RNF6: variants seen among roughly 807,000 people sequenced by gnomAD.
RNF6 encodes the protein E3 ubiquitin-protein ligase RNF6.
Under a neutral mutation model 50.1 loss-of-function variants are expected in RNF6, and 21 were observed. The observed-to-expected ratio is 0.42, with a 90% CI of 0.30 to 0.60. The LOEUF is 0.60. RNF6 is among the 20% of genes least tolerant of loss of function. The pLI is 0.20. For missense variants in RNF6, 698 were observed against 838.2 expected (o/e 0.83, Z 2.07); for synonymous variants, 255 against 291.8 (o/e 0.87, Z 1.29).
At position 26,214,139 on chromosome 13, in the gene RNF6, T is replaced by A. The variant is rs1440772968; in HGVS notation, c.1743A>T (p.Gly581=). The change falls in exon 5 of 5, where the codon GGA becomes GGT. Residue 581 remains glycine (G), a synonymous_variant. Coordinates refer to ENST00000381588, the MANE Select transcript of RNF6 (RefSeq NM_005977.4). ...LRNPNNLVET[G]TLPILRLAHF... is the part of the protein sequence containing the mutation. ...GAGCAAGGCGAAGAATGGGTAGTGT[T>A]CCAGTTTCAACTAAATTGTTTGGAT... is the stretch of plus-strand genomic sequence containing the variant. 6.2e-7 allele frequency: 1 copy of A among 1,614,198 alleles called. No homozygotes were observed. The highest frequency in any genetic ancestry group is 8.5e-7 in the Non-Finnish European group (1 of 1,180,022).
chr13:26,195,143 T>C (rs1463386837), intron 5 of RNF6, among the ~76,000 whole-genome samples: 1 of 152,128 alleles, frequency 6.6e-6, no homozygotes, highest in Non-Finnish European at 1.5e-5. Context: ...AAAACAACTA[T>C]GATTAATGGA....
chr13:26,138,644 T>A (rs1032807908), intron 5 of RNF6, among the ~76,000 whole-genome samples: 1 of 152,172 alleles, frequency 6.6e-6, no homozygotes, highest in Non-Finnish European at 1.5e-5. Context: ...TTTTATATAC[T>A]ATGGAAATTA....
intron 5 of RNF6, among the ~76,000 whole-genome samples, chr13:26,202,454 G>T (rs1161086264): frequency 1.3e-5 from 2 of 152,102 alleles, no homozygotes; most frequent in Non-Finnish European, 2.9e-5. Flanking sequence ...AAATACTGAA[G>T]AATTCATTAA....
chr13:26,145,352 G>A (rs1012620310), intron 5 of RNF6, among the ~76,000 whole-genome samples: 1 of 150,008 alleles, frequency 6.7e-6, no homozygotes, highest in Non-Finnish European at 1.5e-5. Context: ...CTTGATGGGT[G>A]ATCTGGTTTG....
downstream of RNF6, among the ~76,000 whole-genome samples, chr13:26,207,882 C>T (rs12429453): frequency 0.21 from 32,563 of 152,192 alleles, 4,185 homozygotes; most frequent in East Asian, 0.5. Flanking sequence ...GCAGAGCAGA[C>T]TTTTCTGCCT....
At position 26,147,501 on chromosome 13, in the gene RNF6, G is replaced by A. The variant is rs144225160; in HGVS notation, n.769-15050C>T. Reference sequence around the variant, plus strand: ...AAGAGAGGCTTATACCACTGGGTGTGAAGAGGCTGCTTCTATGAGGTAGGG... The same window carrying A: ...AAGAGAGGCTTATACCACTGGGTGTAAAGAGGCTGCTTCTATGAGGTAGGG... On this transcript the variant is annotated intron_variant and non_coding_transcript_variant, in intron 5 of 5. Transcript: ENST00000468480. 1.6e-3 allele frequency among the ~76,000 whole-genome samples: 237 copies of A among 152,350 alleles called. 1 individual carries two copies. Among genetic ancestry groups the A allele is most frequent in the Non-Finnish European group, 2.8e-3 (190 of 68,040 alleles).
chr13:26,205,239 G>A (rs920248788), intron 5 of RNF6, among the ~76,000 whole-genome samples: 2 of 148,478 alleles, frequency 1.3e-5, no homozygotes, highest in African/African-American at 4.9e-5. Flanking sequence ...AGTACATGGA[G>A]TCAGAACTTT....
At chr13:26,176,934 A>C (rs1211879158) in intron 5 of RNF6, among the ~76,000 whole-genome samples, 1 of 152,198 alleles carries the variant, frequency 6.6e-6, no homozygotes, top group Non-Finnish European at 1.5e-5. Context: ...ACTCGGTCTC[A>C]AAAAAACAAA....
intron 5 of RNF6, among the ~76,000 whole-genome samples, chr13:26,189,361 G>A (rs1184470597): frequency 6.6e-6 from 1 of 152,114 alleles, no homozygotes; most frequent in Non-Finnish European, 1.5e-5. Context: ...TAGATCGTTG[G>A]ATGAAAATAT....
At chr13:26,164,382 A>G (rs1593159461) in intron 5 of RNF6, among the ~76,000 whole-genome samples, 1 of 152,120 alleles carries the variant, frequency 6.6e-6, no homozygotes, top group South Asian at 2.1e-4. Context: ...ATGTTGTGTC[A>G]GGAGTATTTT....
At chr13:26,211,430 C>T (rs1282980410), downstream of RNF6, among the ~76,000 whole-genome samples, 1 of 152,106 alleles carries the variant, frequency 6.6e-6, no homozygotes, top group Non-Finnish European at 1.5e-5. Context: ...GCATCAGGCC[C>T]AGGGAGGTAG....
intron 5 of RNF6, among the ~76,000 whole-genome samples, chr13:26,153,191 A>G (rs1462323487): frequency 6.7e-6 from 1 of 149,812 alleles, no homozygotes; most frequent in Non-Finnish European, 1.5e-5. Flanking sequence ...AAGATGTAAG[A>G]TATTTTATTT....
Position 26,214,253 on chromosome 13 carries a change from T to C in RNF6, c.1629A>G (p.Gln543=). 6.2e-7 allele frequency: 1 copy of C among 1,614,192 alleles called. No homozygotes were observed. The highest frequency in any genetic ancestry group is 1.1e-5 in the South Asian group (1 of 91,084). ...REGSSQDRQA[Q]GDSTEMHGEN... is the part of the protein sequence containing the mutation. Reference sequence around the variant, plus strand: ...CACCATGCATTTCAGTGCTGTCTCCTTGGGCCTGCCTGTCTTGAGAGGAAC... The same window carrying C: ...CACCATGCATTTCAGTGCTGTCTCCCTGGGCCTGCCTGTCTTGAGAGGAAC... Residue 543 remains glutamine, a synonymous_variant, in exon 5 of 5, where the codon CAA becomes CAG. Coordinates refer to ENST00000381588, the MANE Select transcript of RNF6 (RefSeq NM_005977.4).
chr13:26,204,880 A>C (rs1406583826), intron 5 of RNF6, among the ~76,000 whole-genome samples: 2 of 152,238 alleles, frequency 1.3e-5, no homozygotes, highest in African/African-American at 4.8e-5. Context: ...TGGCATCTTC[A>C]CTGAATCTGC....
chr13:26,198,494 G>T (rs1383700213), intron 5 of RNF6, among the ~76,000 whole-genome samples: 2 of 151,844 alleles, frequency 1.3e-5, no homozygotes, highest in African/African-American at 4.9e-5. Flanking sequence ...GCCCAGCCAA[G>T]TTGTCATATA....
intron 5 of RNF6, among the ~76,000 whole-genome samples, chr13:26,163,990 T>G (rs952429246): frequency 6.6e-6 from 1 of 152,220 alleles, no homozygotes; most frequent in Non-Finnish European, 1.5e-5. Flanking sequence ...AGAGCTATAG[T>G]AGCTGTCACA....
chr13:26,163,259 T>C (rs140998968), intron 5 of RNF6, among the ~76,000 whole-genome samples: 16,183 of 150,778 alleles, frequency 0.11, 1,265 homozygotes, highest in African/African-American at 0.22. Flanking sequence ...TTGCAGTGAG[T>C]CGAGATCGCG....
chr13:26,170,189 C>G (rs1872630078), intron 5 of RNF6, among the ~76,000 whole-genome samples: 1 of 150,648 alleles, frequency 6.6e-6, no homozygotes, highest in Admixed American at 6.6e-5. Context: ...GGTGGGCCAT[C>G]TGATTGGGAG....
chr13:26,218,466 G>T, intron 4 of RNF6, 45 bp downstream of exon 4: 1 of 1,441,506 alleles, frequency 6.9e-7, no homozygotes, highest in Non-Finnish European at 9.7e-7. Flanking sequence ...ATTTCTGCAA[G>T]TGCTCCAATC....
Sources: gnomAD v4.1 joint callset for allele counts (sites outside exome capture counted in the v4.1 genomes callset) on GRCh38, gnomAD v4.1.1 for gene constraint, MANE v1.5 for transcripts, NCBI Gene and HGNC (gene_info 2026-07-23, HGNC 2026-07-21) for gene names.